CADM2: variants seen among roughly 807,000 people sequenced by gnomAD.
The protein encoded by CADM2 is immunoglobulin superfamily member 4D.
In CADM2, 12 loss-of-function variants were observed where a neutral mutation model predicts 49.8. That is an observed-to-expected ratio of 0.24 (90% CI 0.15 to 0.39). The LOEUF is 0.39. Ranked by LOEUF, CADM2 falls within the 10% of genes least tolerant of loss-of-function variation. The pLI, the probability that CADM2 is intolerant of heterozygous loss-of-function variation, is 1.00. For missense variants in CADM2, 378 were observed against 492.3 expected (o/e 0.77, Z 2.20); for synonymous variants, 214 against 175.4 (o/e 1.22, Z -1.74).
intron 1 of CADM2, among the ~76,000 whole-genome samples, chr3:85,223,371 A>G (rs1275606693): frequency 2.6e-5 from 4 of 152,158 alleles, no homozygotes; most frequent in Non-Finnish European, 1.5e-5. Flanking sequence ...GTTGTCATAT[A>G]TCTATTGCCT....
chr3:85,981,109 G>A (rs893776113), intron 8 of CADM2, among the ~76,000 whole-genome samples: 1 of 149,632 alleles, frequency 6.7e-6, no homozygotes, highest in African/African-American at 2.5e-5. Flanking sequence ...TGGTCTTCCG[G>A]TCTTTTGAAA....
chr3:85,475,275 G>A (rs1281345225), intron 1 of CADM2, among the ~76,000 whole-genome samples: 3 of 151,956 alleles, frequency 2.0e-5, no homozygotes, highest in East Asian at 3.9e-4. Flanking sequence ...ATCTAATTGT[G>A]ATAGGAAGAT....
intron 1 of CADM2, among the ~76,000 whole-genome samples, chr3:85,452,080 C>T (rs1238388605): frequency 6.6e-6 from 1 of 152,106 alleles, no homozygotes; most frequent in Non-Finnish European, 1.5e-5. Flanking sequence ...GCTTCCGTCG[C>T]TCAAATAATA....
intron 8 of CADM2, among the ~76,000 whole-genome samples, chr3:86,018,936 A>T (rs1732721960): frequency 6.8e-6 from 1 of 146,702 alleles, no homozygotes; most frequent in African/African-American, 2.6e-5. Flanking sequence ...GGTGTTTTAG[A>T]CATGAAGTCC....
At chr3:85,942,194 A>T (rs1722002955) in intron 7 of CADM2, among the ~76,000 whole-genome samples, 1 of 152,148 alleles carries the variant, frequency 6.6e-6, no homozygotes, top group African/African-American at 2.4e-5. Flanking sequence ...TTGCTAGGAC[A>T]GCCCATATTT....
intron 1 of CADM2, among the ~76,000 whole-genome samples, chr3:84,978,287 C>A (rs2031956570): frequency 6.6e-6 from 1 of 152,184 alleles, no homozygotes; most frequent in East Asian, 1.9e-4. Context: ...TCTTCCACTT[C>A]TAGAATATTT....
At chr3:84,982,149 A>C (rs1483725461) in intron 1 of CADM2, among the ~76,000 whole-genome samples, 2 of 152,112 alleles carry the variant, frequency 1.3e-5, no homozygotes, top group African/African-American at 4.8e-5. Context: ...GATTTGTTTG[A>C]CCTTCTGATG....
intron 3 of CADM2, among the ~76,000 whole-genome samples, chr3:85,802,945 A>C (rs377408939): frequency 2.6e-5 from 4 of 152,134 alleles, no homozygotes; most frequent in East Asian, 3.9e-4. Context: ...ATAGGATATA[A>C]ATAACTATTT....
intron 6 of CADM2, among the ~76,000 whole-genome samples, chr3:85,923,537 C>CAA (rs57230094): frequency 0.069 from 9,407 of 136,632 alleles, 745 homozygotes; most frequent in African/African-American, 0.19. Context: ...ATCATGAAAG[C>CAA]AAAAAAAAAA....
chr3:84,973,932 G>C (rs1482391214), intron 1 of CADM2, among the ~76,000 whole-genome samples: 2 of 151,834 alleles, frequency 1.3e-5, no homozygotes, highest in African/African-American at 4.8e-5. Flanking sequence ...TTAACCACCT[G>C]GTCAACAAAG....
At chr3:85,384,506 G>A (rs1233681780) in intron 1 of CADM2, among the ~76,000 whole-genome samples, 2 of 151,854 alleles carry the variant, frequency 1.3e-5, no homozygotes, top group Non-Finnish European at 2.9e-5. Flanking sequence ...TAGAGACGAG[G>A]TTTCACCATG....
At chr3:85,672,407 T>A (rs923117699) in intron 1 of CADM2, among the ~76,000 whole-genome samples, 3 of 152,038 alleles carry the variant, frequency 2.0e-5, no homozygotes, top group African/African-American at 7.2e-5. Flanking sequence ...TTAACCGGGA[T>A]GGTCTTGATC....
At chr3:85,620,922 T>A (rs1005257535) in intron 1 of CADM2, among the ~76,000 whole-genome samples, 5 of 152,146 alleles carry the variant, frequency 3.3e-5, no homozygotes, top group Non-Finnish European at 5.9e-5. Context: ...TTTTTGGAAT[T>A]AGTTCTTGTT....
intron 1 of CADM2, among the ~76,000 whole-genome samples, chr3:85,424,226 T>A (rs2036296957): frequency 6.6e-6 from 1 of 152,070 alleles, no homozygotes. Context: ...GTAGCATTAG[T>A]AATTTGGAAC....
intron 1 of CADM2, among the ~76,000 whole-genome samples, chr3:85,011,461 CAA>C (rs2033990385): frequency 6.6e-6 from 1 of 152,048 alleles, no homozygotes; most frequent in South Asian, 2.1e-4. Context: ...ACAGATGCAA[CAA>C]AAATAATTTT....
chr3:85,700,320 C>T (rs1280698248), intron 1 of CADM2, among the ~76,000 whole-genome samples: 1 of 152,032 alleles, frequency 6.6e-6, no homozygotes, highest in Admixed American at 6.6e-5. Flanking sequence ...GAATATTACA[C>T]ACAAGGGCCT....
At chr3:85,560,711 T>G (rs1168988946) in intron 1 of CADM2, among the ~76,000 whole-genome samples, 1 of 152,230 alleles carries the variant, frequency 6.6e-6, no homozygotes, top group African/African-American at 2.4e-5. Context: ...TGTTCTCAAC[T>G]TTCACTCACC....
In CADM2 at chr3:86,038,025, C is replaced by T. The variant is rs114482998; in HGVS notation, c.971-27580C>T. 5.7e-3 allele frequency among the ~76,000 whole-genome samples: 871 copies of T among 152,132 alleles called. 12 individuals are homozygous for T. Among genetic ancestry groups the T allele is most frequent in the African/African-American group, 0.02 (836 of 41,476 alleles). ...TGACAAGCTGTGGTGTGTGATGTTCCTCTCCCTGTGCCTATGTGTTCTCAT... is the reference window on the plus strand; with the variant it reads ...TGACAAGCTGTGGTGTGTGATGTTCTTCTCCCTGTGCCTATGTGTTCTCAT... On this transcript the variant is annotated intron_variant, in intron 8 of 9. Coordinates refer to ENST00000383699, the MANE Select transcript of CADM2 (RefSeq NM_001167675.2).
rs757075256 is a variant in CADM2 at position 85,365,182 on chromosome 3, G to GTTT, written c.62-361327_62-361325dup. Reference sequence around the variant, plus strand: ...TCTTGGTGGGTCAAGAATTGGGAGGGTTTTTTTTTTTTTTTACTTTTTTTT... The same window carrying GTTT: ...TCTTGGTGGGTCAAGAATTGGGAGGGTTTTTTTTTTTTTTTTTTACTTTTTTTT... On this transcript the variant is annotated intron_variant, in intron 1 of 9. Coordinates refer to ENST00000383699, the MANE Select transcript of CADM2 (RefSeq NM_001167675.2). Among the ~76,000 whole-genome samples, 3 of 100,564 alleles carry GTTT rather than the reference G, an allele frequency of 3.0e-5. 1 individual carries two copies. Among genetic ancestry groups the GTTT allele is most frequent in the Non-Finnish European group, 6.0e-5 (3 of 49,892 alleles). The allele number at this position is 100,564 out of a possible 152,430, so 66.0% of individuals were successfully genotyped here. A position where few individuals can be genotyped will look rare whatever the true frequency, so the allele number is the denominator to read the frequency against.
Sources: gnomAD v4.1 joint callset for allele counts (sites outside exome capture counted in the v4.1 genomes callset) on GRCh38, gnomAD v4.1.1 for gene constraint, MANE v1.5 for transcripts, NCBI Gene and HGNC (gene_info 2026-07-23, HGNC 2026-07-21) for gene names.